The following ADAMTSL1 variants were observed in gnomAD, a reference collection of about 807,000 sequenced individuals.
The protein encoded by ADAMTSL1 is ADAMTS like 1.
Under a neutral mutation model 201.8 loss-of-function variants are expected in ADAMTSL1, and 126 were observed. The observed-to-expected ratio is 0.62, with a 90% CI of 0.54 to 0.72. The LOEUF is 0.72. Ranked by LOEUF, ADAMTSL1 falls within the 30% of genes least tolerant of loss-of-function variation. ADAMTSL1 has a pLI of 0.00. For synonymous variants in ADAMTSL1, 1,121 were observed against 903.4 expected (o/e 1.24, Z -4.32); for missense variants, 2,679 against 2,277.8 (o/e 1.18, Z -3.59).
chr9:18,216,491 A>C (rs1008036452), intron 2 of ADAMTSL1, among the ~76,000 whole-genome samples: 1 of 152,132 alleles, frequency 6.6e-6, no homozygotes, highest in Non-Finnish European at 1.5e-5. Flanking sequence ...TAGCATAGGC[A>C]TGAGGGGAGA....
At chr9:18,569,073 G>A (rs35885690) in intron 3 of ADAMTSL1, among the ~76,000 whole-genome samples, 48,642 of 151,964 alleles carry the variant, frequency 0.32, 8,060 homozygotes, top group Admixed American at 0.38. Flanking sequence ...AGCTGCTGCG[G>A]TAGAATCTTG....
intron 22 of ADAMTSL1, among the ~76,000 whole-genome samples, chr9:18,828,687 TATATATAAA>T (rs1563836065): frequency 9.2e-6 from 1 of 108,592 alleles, no homozygotes; most frequent in Non-Finnish European, 1.8e-5. Flanking sequence ...TATATATATA[TATATATAAA>T]ATGTGTGTGT....
At chr9:18,167,530 TA>T (rs764486604) in intron 2 of ADAMTSL1, among the ~76,000 whole-genome samples, 1 of 151,852 alleles carries the variant, frequency 6.6e-6, no homozygotes, top group African/African-American at 2.4e-5. Context: ...TCAACTGAAA[TA>T]AAAAAATGCA....
intron 2 of ADAMTSL1, among the ~76,000 whole-genome samples, chr9:18,180,259 C>T (rs1828395629): frequency 6.6e-6 from 1 of 152,184 alleles, no homozygotes. Context: ...TAAGGCCGGG[C>T]ACGGTGGCTC....
At chr9:18,244,089 G>T (rs1371414542) in intron 2 of ADAMTSL1, among the ~76,000 whole-genome samples, 5 of 24,466 alleles carry the variant, frequency 2.0e-4, no homozygotes, top group South Asian at 2.8e-3. Flanking sequence ...AAATGATTTT[G>T]TGTGTGTGTG....
At chr9:17,927,982 CT>C (rs1457076573) in intron 1 of ADAMTSL1, among the ~76,000 whole-genome samples, 2 of 148,968 alleles carry the variant, frequency 1.3e-5, no homozygotes, top group Middle Eastern at 3.3e-3. Flanking sequence ...TTTTTCTTTT[CT>C]TTTCTTTCTT....
At chr9:18,645,423 T>G (rs981446533) in intron 7 of ADAMTSL1, among the ~76,000 whole-genome samples, 148 of 152,128 alleles carry the variant, frequency 9.7e-4, no homozygotes, top group South Asian at 2.7e-3. Flanking sequence ...TTGGCTTTTG[T>G]TGCCATTGCT....
At chr9:18,628,578 A>G (rs908606491) in intron 5 of ADAMTSL1, among the ~76,000 whole-genome samples, 6 of 152,164 alleles carry the variant, frequency 3.9e-5, no homozygotes, top group Admixed American at 1.3e-4. Flanking sequence ...GTCTTTCCAT[A>G]TAAATTTTAC....
At position 18,777,628 on chromosome 9, in the gene ADAMTSL1, G is replaced by T. The variant is rs540993813; in HGVS notation, c.3399G>T (p.Ser1133=). The change falls in exon 19 of 29, where the codon TCG becomes TCT. Residue 1133 remains serine (S), a synonymous_variant. Coordinates refer to ENST00000380548, the MANE Select transcript of ADAMTSL1 (RefSeq NM_001040272.6). Reference sequence around the variant, plus strand: ...GCAGGACTTCCCCAGTGACTCTCTCGCCTCATAAACACGTGTCTGGCTTCA... The same window carrying T: ...GCAGGACTTCCCCAGTGACTCTCTCTCCTCATAAACACGTGTCTGGCTTCA... The part of the protein sequence containing the change: ...SERRTSPVTL[S]PHKHVSGFSS... 2.5e-6 allele frequency: 4 copies of T among 1,613,570 alleles called. No homozygotes were observed. Among genetic ancestry groups the T allele is most frequent in the Non-Finnish European group, 3.4e-6 (4 of 1,179,850 alleles).
chr9:18,772,267 A>T (rs1042371564), intron 17 of ADAMTSL1, among the ~76,000 whole-genome samples: 6 of 152,220 alleles, frequency 3.9e-5, no homozygotes, highest in Non-Finnish European at 8.8e-5. Flanking sequence ...ATAGTCTGTC[A>T]TGAGTGGACT....
intron 9 of ADAMTSL1, among the ~76,000 whole-genome samples, chr9:18,673,207 C>T (rs1362787009): frequency 1.3e-4 from 19 of 151,806 alleles, no homozygotes; most frequent in Non-Finnish European, 1.5e-5. Flanking sequence ...CATTCTTTTT[C>T]ATTATTCTTT....
At chr9:18,326,202 G>T (rs1160868742) in intron 2 of ADAMTSL1, among the ~76,000 whole-genome samples, 1 of 152,136 alleles carries the variant, frequency 6.6e-6, no homozygotes, top group Non-Finnish European at 1.5e-5. Flanking sequence ...TCAAACCATA[G>T]CAGCTGTGAT....
intron 2 of ADAMTSL1, among the ~76,000 whole-genome samples, chr9:18,414,028 A>G (rs1171933795): frequency 6.6e-6 from 1 of 152,228 alleles, no homozygotes; most frequent in African/African-American, 2.4e-5. Context: ...GGGACTTGCC[A>G]GTTGACTCAA....
intron 1 of ADAMTSL1, among the ~76,000 whole-genome samples, chr9:18,120,004 C>T (rs1825430804): frequency 6.6e-6 from 1 of 152,144 alleles, no homozygotes; most frequent in Non-Finnish European, 1.5e-5. Context: ...AACAAACTTA[C>T]CCCAAATTTG....
chr9:18,089,805 A>T (rs1045720783), intron 1 of ADAMTSL1, among the ~76,000 whole-genome samples: 6 of 152,158 alleles, frequency 3.9e-5, no homozygotes, highest in African/African-American at 1.4e-4. Flanking sequence ...TCAGTCACGC[A>T]ATGTGATAAG....
At chr9:18,070,771 A>T (rs1822929163) in intron 1 of ADAMTSL1, among the ~76,000 whole-genome samples, 3 of 152,122 alleles carry the variant, frequency 2.0e-5, no homozygotes, top group Admixed American at 1.3e-4. Flanking sequence ...GACAGAAGAG[A>T]GGAGGATGGG....
At chr9:18,564,293 G>C (rs1294159888) in intron 3 of ADAMTSL1, among the ~76,000 whole-genome samples, 1 of 152,118 alleles carries the variant, frequency 6.6e-6, no homozygotes, top group South Asian at 2.1e-4. Flanking sequence ...CACTTCCCTG[G>C]TGAGGCGACG....
intron 14 of ADAMTSL1, among the ~76,000 whole-genome samples, chr9:18,717,339 T>C (rs1209270868): frequency 1.3e-5 from 2 of 151,620 alleles, no homozygotes; most frequent in Non-Finnish European, 2.9e-5. Flanking sequence ...CCAACAGATA[T>C]TAAAGGCAAT....
intron 1 of ADAMTSL1, among the ~76,000 whole-genome samples, chr9:18,067,073 C>G (rs1822738686): frequency 6.6e-6 from 1 of 152,016 alleles, no homozygotes; most frequent in Non-Finnish European, 1.5e-5. Context: ...ACCAGCATGG[C>G]ACATGTACAC....
Sources: allele counts gnomAD v4.1 joint callset (sites outside exome capture counted in the v4.1 genomes callset), GRCh38; gene constraint gnomAD v4.1.1; transcripts MANE v1.5; gene names NCBI Gene and HGNC (gene_info 2026-07-23, HGNC 2026-07-21).